Variants in FOXP2 observed in about 807,000 individuals in gnomAD.
FOXP2 encodes forkhead box protein P2.
A neutral mutation model predicts 115.8 loss-of-function variants in FOXP2; 12 were observed. The ratio of observed to expected loss-of-function variants is 0.10; its 90% CI spans 0.07 to 0.17. The LOEUF (loss-of-function observed/expected upper bound fraction) is 0.17. Among genes scored for constraint, FOXP2 ranks in the 10% least tolerant of loss-of-function variants. The probability of loss-of-function intolerance (pLI) is 1.00; values close to 1 mark genes in which losing one functional copy is unlikely to be tolerated. For synonymous variants in FOXP2, 328 were observed against 297.7 expected, an observed-to-expected ratio of 1.10 and a Z score of -1.05; for missense variants, 629 against 843.5, an observed-to-expected ratio of 0.75 and a Z score of 3.15.
chr7:114,420,738 C>T (rs1320914731), intron 1 of FOXP2, among the ~76,000 whole-genome samples: 1 of 151,690 alleles, frequency 6.6e-6, no homozygotes, highest in Non-Finnish European at 1.5e-5. Flanking sequence ...CCTAAGCTTC[C>T]TATCCCCCTT....
At chr7:114,561,421 A>G (rs1291444112) in intron 3 of FOXP2, 1 of 152,266 alleles carries the variant, frequency 6.6e-6, no homozygotes, top group African/African-American at 2.4e-5. Context: ...TTATGCAATT[A>G]TACCTCAATC....
intron 2 of FOXP2, among the ~76,000 whole-genome samples, chr7:114,493,209 T>C (rs1797150361): frequency 6.6e-6 from 1 of 152,234 alleles, no homozygotes; most frequent in African/African-American, 2.4e-5. Flanking sequence ...AAAGTCTGTT[T>C]TATCAGAGAC....
At chr7:114,188,537 G>A (rs1389276782) in intron 1 of FOXP2, among the ~76,000 whole-genome samples, 5 of 152,082 alleles carry the variant, frequency 3.3e-5, no homozygotes, top group African/African-American at 4.8e-5. Flanking sequence ...GGTAATAAAG[G>A]TAACTCCTCA....
chr7:114,687,047 G>C (rs1213047414), intron 16 of FOXP2, among the ~76,000 whole-genome samples: 2 of 152,128 alleles, frequency 1.3e-5, no homozygotes, highest in Non-Finnish European at 2.9e-5. Context: ...ACTTGTTGCT[G>C]AATAACGTGA....
chr7:114,217,041 A>G (rs1794502948), intron 1 of FOXP2, among the ~76,000 whole-genome samples: 1 of 152,214 alleles, frequency 6.6e-6, no homozygotes, highest in South Asian at 2.1e-4. Flanking sequence ...TTTATCACCA[A>G]ATAGAACAGA....
At chr7:114,688,670 T>G (rs1808500882) in intron 16 of FOXP2, among the ~76,000 whole-genome samples, 1 of 152,196 alleles carries the variant, frequency 6.6e-6, no homozygotes, top group Non-Finnish European at 1.5e-5. Flanking sequence ...GCATTATTAT[T>G]CTTGTTAGTT....
intron 3 of FOXP2, among the ~76,000 whole-genome samples, chr7:114,598,746 A>G (rs540190553): frequency 6.6e-6 from 1 of 152,224 alleles, no homozygotes; most frequent in South Asian, 2.1e-4. Context: ...TTAACAACAA[A>G]AAGTAAGTTT....
At chr7:114,393,717 G>C (rs561382111) in intron 2 of FOXP2, among the ~76,000 whole-genome samples, 1 of 152,208 alleles carries the variant, frequency 6.6e-6, no homozygotes, top group South Asian at 2.1e-4. Flanking sequence ...TGAGAGAAGA[G>C]GGCATCCACA....
At chr7:114,155,716 T>G (rs1562984531) in intron 1 of FOXP2, among the ~76,000 whole-genome samples, 1 of 152,012 alleles carries the variant, frequency 6.6e-6, no homozygotes, top group East Asian at 1.9e-4. Flanking sequence ...AAGAAAGAAT[T>G]TGATTGAGGG....
At chr7:114,606,013 G>C (rs1194580267) in intron 3 of FOXP2, among the ~76,000 whole-genome samples, 1 of 152,154 alleles carries the variant, frequency 6.6e-6, no homozygotes, top group East Asian at 1.9e-4. Context: ...AAATGGCCAG[G>C]TATGGAATTA....
intron 1 of FOXP2, chr7:114,419,771 C>T (rs1793533957): frequency 6.6e-6 from 1 of 151,560 alleles, no homozygotes; most frequent in East Asian, 1.9e-4. Flanking sequence ...AAAGCAGTTT[C>T]CTGACCAGAT....
At chr7:114,093,242 T>A (rs906101141) in intron 1 of FOXP2, among the ~76,000 whole-genome samples, 2 of 152,172 alleles carry the variant, frequency 1.3e-5, no homozygotes, top group African/African-American at 4.8e-5. Context: ...TCTGGAATGA[T>A]CTATCCTCCT....
At chr7:114,131,857 C>G (rs372995983) in intron 1 of FOXP2, among the ~76,000 whole-genome samples, 3 of 152,186 alleles carry the variant, frequency 2.0e-5, no homozygotes, top group South Asian at 2.1e-4. Flanking sequence ...GTAACTATCT[C>G]CATGGTCATA....
chr7:114,126,319 T>C lies in FOXP2; in HGVS notation c.-246-36625T>C, dbSNP rs1370678141. On this transcript the variant is annotated intron_variant, in intron 1 of 19. Transcript: ENST00000635638. ...CATACATAATCTCAGTATGAACTTA[T>C]GTATGCATATGTATGTGTCAGTATG... 5.9e-5 allele frequency among the ~76,000 whole-genome samples: 9 copies of C among 152,080 alleles called. No homozygotes were observed. The East Asian group carries it at 1.5e-3, about 26-fold the overall frequency.
At chr7:114,631,449 G>C (rs560399840) in intron 5 of FOXP2, 79 bp from the exon 6 acceptor site, 39 of 1,546,070 alleles carry the variant, frequency 2.5e-5, no homozygotes, top group Admixed American at 1.6e-4. Context: ...AATGAAAGGA[G>C]TGTGCATTTC....
At chr7:114,504,083 T>G (rs1463235660) in intron 2 of FOXP2, among the ~76,000 whole-genome samples, 1 of 151,496 alleles carries the variant, frequency 6.6e-6, no homozygotes, top group Non-Finnish European at 1.5e-5. Flanking sequence ...GATTGCACAG[T>G]TTTTGCAAAT....
chr7:114,251,823 CTG>C (rs1418975737), intron 1 of FOXP2, among the ~76,000 whole-genome samples: 2 of 152,272 alleles, frequency 1.3e-5, no homozygotes, highest in South Asian at 4.1e-4. Context: ...ACTTCCAACA[CTG>C]TGTTGAATAG....
chr7:114,662,362 A>AT (rs1033060397), intron 14 of FOXP2, among the ~76,000 whole-genome samples, 176 bp downstream of exon 14: 7 of 151,960 alleles, frequency 4.6e-5, no homozygotes, highest in African/African-American at 1.7e-4. Flanking sequence ...TAGCCTATCA[A>AT]TTTTTTCCGT....
At chr7:114,332,069 A>G (rs1162447389) in intron 2 of FOXP2, among the ~76,000 whole-genome samples, 2 of 151,944 alleles carry the variant, frequency 1.3e-5, no homozygotes, top group African/African-American at 4.8e-5. Context: ...AGTGAACCCC[A>G]TCAATTTGTT....
Sources: allele counts gnomAD v4.1 joint callset (sites outside exome capture counted in the v4.1 genomes callset), GRCh38; gene constraint gnomAD v4.1.1; transcripts MANE v1.5; gene names NCBI Gene and HGNC (gene_info 2026-07-23, HGNC 2026-07-21).